ARIH2: variants seen among roughly 807,000 people sequenced by gnomAD.
ARIH2 encodes E3 ubiquitin-protein ligase ARIH2.
ARIH2 carries 12 observed loss-of-function variants against 79.8 expected under a neutral mutation model. The observed-to-expected ratio is 0.15, with a 90% CI of 0.10 to 0.24. The LOEUF (loss-of-function observed/expected upper bound fraction) is 0.24. Among genes scored for constraint, ARIH2 ranks in the 10% least tolerant of loss-of-function variants. The pLI, the probability that ARIH2 is intolerant of heterozygous loss-of-function variation, is 1.00. For synonymous variants in ARIH2, 224 were observed against 213.9 expected, an observed-to-expected ratio of 1.05 and a Z score of -0.41; for missense variants, 301 against 618.3, an observed-to-expected ratio of 0.49 and a Z score of 5.44.
chr3:48,973,918 A>T, intron 9 of ARIH2, 102 bp downstream of exon 9: 1 of 876,198 alleles, frequency 1.1e-6, no homozygotes, highest in South Asian at 1.6e-5. Flanking sequence ...CCAGAGCCCC[A>T]GGACCCTTCC....
intron 3 of ARIH2, among the ~76,000 whole-genome samples, chr3:48,943,701 G>T (rs1377666690): frequency 3.3e-5 from 5 of 152,128 alleles, no homozygotes; most frequent in Non-Finnish European, 7.4e-5. Flanking sequence ...GAAAGCAGTC[G>T]ATGAGGTAGT....
chr3:48,977,374 C>T (rs1163295825), intron 11 of ARIH2, among the ~76,000 whole-genome samples: 5 of 151,860 alleles, frequency 3.3e-5, no homozygotes, highest in Admixed American at 6.5e-5. Context: ...GGTGCGATCT[C>T]GGCTCACTGC....
At chr3:48,960,017 T>C (rs1483087304) in intron 3 of ARIH2, among the ~76,000 whole-genome samples, 1 of 152,232 alleles carries the variant, frequency 6.6e-6, no homozygotes, top group African/African-American at 2.4e-5. Context: ...ATGGTAGCTC[T>C]TGTTTAAGGA....
chr3:48,922,724 T>C (rs1385994591), intron 1 of ARIH2, 24 bp from the exon 2 acceptor site: 2 of 152,270 alleles, frequency 1.3e-5, no homozygotes, highest in African/African-American at 4.8e-5. Flanking sequence ...TTTAAAAATA[T>C]AAATATAATT....
intron 3 of ARIH2, among the ~76,000 whole-genome samples, chr3:48,956,855 C>T (rs1001291466): frequency 1.3e-5 from 2 of 151,876 alleles, no homozygotes; most frequent in Non-Finnish European, 2.9e-5. Flanking sequence ...TACAGGCGCC[C>T]GCCACTACGC....
At chr3:48,934,494 C>T (rs1559735309) in intron 3 of ARIH2, 1 of 985,240 alleles carries the variant, frequency 1.0e-6, no homozygotes, top group East Asian at 1.1e-4. Context: ...CCTGGTTACA[C>T]TGAGTGTTTG....
intron 1 of ARIH2, chr3:48,919,270 G>A (rs1255065631): frequency 4.3e-6 from 5 of 1,150,108 alleles, no homozygotes; most frequent in Non-Finnish European, 5.5e-6. Flanking sequence ...GCACATCTAG[G>A]CCCTCTCTCC....
intron 3 of ARIH2, among the ~76,000 whole-genome samples, chr3:48,952,537 T>G (rs2090092692): frequency 1.3e-5 from 2 of 152,176 alleles, no homozygotes; most frequent in Admixed American, 1.3e-4. Context: ...TTAAGATGCC[T>G]TTCCATGTGA....
chr3:48,931,673 T>G (rs1378168123), intron 3 of ARIH2, among the ~76,000 whole-genome samples: 1 of 152,104 alleles, frequency 6.6e-6, no homozygotes, highest in Non-Finnish European at 1.5e-5. Context: ...CAAGTGATCC[T>G]CCTGCCTCAG....
Position 48,927,701 on chromosome 3 carries a change from A to G in ARIH2, c.143A>G (p.Gln48Arg). ...GTGGGAGTAGCCAGCGATGTGGAGCAGCAGGGGGCTGATGCCTTTGATCCC... is the reference window on the plus strand; with the variant it reads ...GTGGGAGTAGCCAGCGATGTGGAGCGGCAGGGGGCTGATGCCTTTGATCCC... Reference protein sequence around the residue: ...YYVGVASDVEQQGADAFDPEE... With the variant: ...YYVGVASDVERQGADAFDPEE... The change falls in exon 3 of 16, where the codon CAG becomes CGG. Residue 48 changes from glutamine (Q) to arginine (R), a missense_variant. By Grantham distance (43) the Gln-to-Arg change is conservative. This residue lies in a region of ARIH2 where 223 missense variants were observed against 349.4 expected (regional missense o/e 0.64). Coordinates refer to ENST00000356401, the MANE Select transcript of ARIH2 (RefSeq NM_006321.4). 2 of 1,614,196 alleles carry G rather than the reference A, an allele frequency of 1.2e-6. No individual in the cohort carries two copies. Among genetic ancestry groups the G allele is most frequent in the South Asian group, 1.1e-5 (1 of 91,086 alleles).
chr3:48,968,346 T>C (rs937633478), intron 6 of ARIH2, 188 bp from the exon 7 acceptor site: 24 of 403,260 alleles, frequency 6.0e-5, no homozygotes, highest in Middle Eastern at 1.7e-3. Flanking sequence ...TAGCTGGGAC[T>C]ACAGGCGCCC....
At chr3:48,940,829 A>ATATATATG in intron 3 of ARIH2, among the ~76,000 whole-genome samples, 1 of 143,544 alleles carries the variant, frequency 7.0e-6, no homozygotes, top group East Asian at 2.1e-4. Context: ...ATATATATAT[A>ATATATATG]GCCACATACA....
chr3:48,967,071 A>T, intron 5 of ARIH2, 54 bp from the exon 6 acceptor site: 1 of 1,587,890 alleles, frequency 6.3e-7, no homozygotes, highest in South Asian at 1.1e-5. Flanking sequence ...AGGTACCCTT[A>T]TGGCCTTCTG....
chr3:48,926,550 G>A (rs2085644502), intron 2 of ARIH2, among the ~76,000 whole-genome samples: 1 of 150,750 alleles, frequency 6.6e-6, no homozygotes, highest in Admixed American at 6.6e-5. Flanking sequence ...GATTACAGGC[G>A]TGAGCCACCG....
At chr3:48,923,555 C>T (rs1467839577) in intron 2 of ARIH2, among the ~76,000 whole-genome samples, 18 of 146,828 alleles carry the variant, frequency 1.2e-4, no homozygotes, top group Non-Finnish European at 3.0e-5. Context: ...GAGTTTCCCT[C>T]TTGTTGCCCA....
chr3:48,919,417 G>A, intron 1 of ARIH2: 3 of 361,618 alleles, frequency 8.3e-6, no homozygotes, highest in Non-Finnish European at 5.0e-6. Flanking sequence ...CCGCGTCCGC[G>A]CGAATATCCC....
chr3:48,963,445 A>G (rs2091477758), intron 4 of ARIH2, among the ~76,000 whole-genome samples: 1 of 152,202 alleles, frequency 6.6e-6, no homozygotes, highest in African/African-American at 2.4e-5. Context: ...CTAGGTAGAA[A>G]TCACATAGAT....
chr3:48,961,719 C>T (rs893501840), intron 4 of ARIH2, 40 bp downstream of exon 4: 1 of 1,283,494 alleles, frequency 7.8e-7, no homozygotes, highest in South Asian at 1.2e-5. Context: ...TTGCCCATAG[C>T]TCCCCTCTCC....
chr3:48,919,358 C>T (rs867325129), intron 1 of ARIH2: 19 of 598,556 alleles, frequency 3.2e-5, no homozygotes, highest in Middle Eastern at 1.0e-3. Context: ...GCAGCGCTGC[C>T]CGCGCGGTTT....
Sources: allele counts gnomAD v4.1 joint callset (sites outside exome capture counted in the v4.1 genomes callset), GRCh38; gene constraint gnomAD v4.1.1; regional missense constraint gnomAD v4.1.1; transcripts MANE v1.5; gene names NCBI Gene and HGNC (gene_info 2026-07-23, HGNC 2026-07-21).